Variants in DLGAP2 observed in about 807,000 individuals in gnomAD.
DLGAP2 encodes the protein disks large-associated protein 2.
In DLGAP2, 26 loss-of-function variants were observed where a neutral mutation model predicts 100.3. That is an observed-to-expected ratio of 0.26 (90% confidence interval 0.19 to 0.36). The LOEUF (loss-of-function observed/expected upper bound fraction) is 0.36, where lower values mean the gene tolerates loss of function less well. DLGAP2 is among the 10% of genes least tolerant of loss of function. DLGAP2 has a pLI of 1.00. For synonymous variants in DLGAP2, 886 were observed against 630.1 expected (o/e 1.41, Z -6.08); for missense variants, 1,858 against 1,453.2 (o/e 1.28, Z -4.53).
At chr8:1,406,997 A>G (rs9694617) in intron 3 of DLGAP2, among the ~76,000 whole-genome samples, 88 of 11,688 alleles carry the variant, frequency 7.5e-3, no homozygotes, top group Admixed American at 0.012. Context: ...CTTACTGAGC[A>G]CTCCCTCCTT....
At chr8:833,803 G>C (rs894934762) in intron 1 of DLGAP2, among the ~76,000 whole-genome samples, 6 of 152,092 alleles carry the variant, frequency 3.9e-5, no homozygotes, top group African/African-American at 7.2e-5. Context: ...CATGAATTTA[G>C]ACAAAATTTC....
intron 3 of DLGAP2, among the ~76,000 whole-genome samples, chr8:1,416,412 A>T (rs1796885416): frequency 6.6e-6 from 1 of 152,168 alleles, no homozygotes. Context: ...ACAGTTTCTG[A>T]GGCAAATTAA....
intron 3 of DLGAP2, among the ~76,000 whole-genome samples, chr8:1,327,910 G>C (rs1801059293): frequency 6.6e-6 from 1 of 152,178 alleles, no homozygotes; most frequent in Non-Finnish European, 1.5e-5. Context: ...CATTAATTCT[G>C]ATGGATCTTC....
intron 4 of DLGAP2, among the ~76,000 whole-genome samples, chr8:1,516,348 T>G (rs568025699): frequency 1.3e-5 from 2 of 150,042 alleles, no homozygotes; most frequent in Admixed American, 1.3e-4. Flanking sequence ...AATGAGTGAG[T>G]GAATAAGGGA....
chr8:1,506,612 G>A (rs567656634), intron 4 of DLGAP2, among the ~76,000 whole-genome samples: 2 of 152,334 alleles, frequency 1.3e-5, no homozygotes, highest in Admixed American at 6.5e-5. Flanking sequence ...TCAGCAGGTT[G>A]CCAGTGCCGG....
chr8:1,309,088 G>A (rs753972959), intron 3 of DLGAP2, among the ~76,000 whole-genome samples: 17 of 151,992 alleles, frequency 1.1e-4, no homozygotes, highest in Non-Finnish European at 1.9e-4. Context: ...ACAGGGAGCC[G>A]AAACTTGAGG....
intron 3 of DLGAP2, among the ~76,000 whole-genome samples, chr8:1,332,484 C>T (rs890818983): frequency 4.0e-5 from 6 of 151,692 alleles, no homozygotes; most frequent in Non-Finnish European, 7.4e-5. Context: ...TGTGTGTGAG[C>T]GTAGATACAT....
Position 1,193,382 on chromosome 8 carries a change from G to A in DLGAP2, c.74-65469G>A, listed in dbSNP as rs185392111. On this transcript the variant is annotated intron_variant, in intron 2 of 14. Coordinates refer to ENST00000637795, the MANE Select transcript of DLGAP2 (RefSeq NM_001346810.2). The stretch of plus-strand genomic sequence containing the variant: ...TCGCCATTCTAACTGGTCTGAGATG[G>A]TATCTCATTGTGGTTTTGATTTGCA... 8.5e-4 allele frequency among the ~76,000 whole-genome samples: 129 copies of A among 152,250 alleles called. 1 individual carries two copies. The highest frequency in any genetic ancestry group is 2.8e-3 in the African/African-American group (117 of 41,530).
chr8:1,668,793 G>C (rs1406108614), intron 9 of DLGAP2, 115 bp downstream of exon 9: 1 of 986,116 alleles, frequency 1.0e-6, no homozygotes, highest in African/African-American at 1.6e-5. Context: ...TGTAACCCCA[G>C]CAGGGCTGTG....
intron 2 of DLGAP2, among the ~76,000 whole-genome samples, chr8:1,194,107 C>T (rs17065771): frequency 0.28 from 42,486 of 151,668 alleles, 6,712 homozygotes; most frequent in African/African-American, 0.43. Flanking sequence ...CCAGTTTTGA[C>T]GCTGTGGAAA....
chr8:1,613,455 G>A (rs970313494), intron 6 of DLGAP2, among the ~76,000 whole-genome samples: 9 of 151,842 alleles, frequency 5.9e-5, no homozygotes, highest in Middle Eastern at 3.2e-3. Flanking sequence ...TGACGAGTTA[G>A]TGGGTGCAGC....
Position 998,069 on chromosome 8 carries a change from A to G in DLGAP2, c.73+90103A>G, listed in dbSNP as rs558204015. On this transcript the variant is annotated intron_variant, in intron 2 of 14. Coordinates refer to ENST00000637795, the MANE Select transcript of DLGAP2 (RefSeq NM_001346810.2). Reference sequence around the variant, plus strand: ...CAGTCATACACAGAAACATATACACATGCATGTGCACACACCCGTGTCTGC... The same window carrying G: ...CAGTCATACACAGAAACATATACACGTGCATGTGCACACACCCGTGTCTGC... Among the ~76,000 whole-genome samples, 489 of 152,252 alleles carry G rather than the reference A, an allele frequency of 3.2e-3. 5 individuals are homozygous for G. Among genetic ancestry groups the G allele is most frequent in the African/African-American group, 0.011 (469 of 41,538 alleles).
At chr8:1,528,101 A>C (rs1800855806) in intron 4 of DLGAP2, among the ~76,000 whole-genome samples, 1 of 152,252 alleles carries the variant, frequency 6.6e-6, no homozygotes, top group African/African-American at 2.4e-5. Flanking sequence ...ACTGCACGGC[A>C]GTGACTGCTG....
intron 2 of DLGAP2, among the ~76,000 whole-genome samples, chr8:912,847 G>A (rs1290896308): frequency 6.6e-6 from 1 of 151,422 alleles, no homozygotes; most frequent in Non-Finnish European, 1.5e-5. Flanking sequence ...CTGTGGAGCT[G>A]ACCCCCGCAC....
Position 1,678,400 on chromosome 8 carries a change from G to T in DLGAP2, c.2475G>T (p.Gly825=). The change falls in exon 12 of 15, where the codon GGG becomes GGT. Residue 825 remains glycine (G), a synonymous_variant. Transcript: ENST00000637795. ...CGGTGAGAACTGTACGGACCCAGGG[G>T]CTCTTCAGCTATAGAGAAGACTATC... ...YSAVRTVRTQ[G]LFSYREDYRT... 1 of 1,613,890 alleles carries T rather than the reference G, an allele frequency of 6.2e-7. No homozygotes were observed. Among genetic ancestry groups the T allele is most frequent in the Non-Finnish European group, 8.5e-7 (1 of 1,179,828 alleles).
At position 1,224,370 on chromosome 8, in the gene DLGAP2, C is replaced by T. The variant is rs183127895; in HGVS notation, c.74-34481C>T. ...ACTGTCATATCCCAAGCACCAAGAACAGAGCCTGCTTGGCAGATAGAAAGC... is the reference window on the plus strand; with the variant it reads ...ACTGTCATATCCCAAGCACCAAGAATAGAGCCTGCTTGGCAGATAGAAAGC... On this transcript the variant is annotated intron_variant, in intron 2 of 14. Coordinates refer to ENST00000637795, the MANE Select transcript of DLGAP2 (RefSeq NM_001346810.2). Among the ~76,000 whole-genome samples the T allele has an allele frequency of 2.6e-5, 4 of 152,270 alleles. No individual in the cohort carries two copies. The East Asian group carries it at 7.7e-4, about 29-fold the overall frequency.
At chr8:1,038,472 C>G (rs1455479863) in intron 2 of DLGAP2, among the ~76,000 whole-genome samples, 1 of 152,124 alleles carries the variant, frequency 6.6e-6, no homozygotes, top group African/African-American at 2.4e-5. Flanking sequence ...TCCCCTGGAG[C>G]CTCTGTTCAG....
At chr8:1,212,344 C>G (rs1420611591) in intron 2 of DLGAP2, among the ~76,000 whole-genome samples, 1 of 152,230 alleles carries the variant, frequency 6.6e-6, no homozygotes, top group Non-Finnish European at 1.5e-5. Flanking sequence ...AGAGGTCCTC[C>G]TTCCTCTCAG....
intron 6 of DLGAP2, among the ~76,000 whole-genome samples, chr8:1,569,987 A>G (rs1477598774): frequency 2.0e-5 from 3 of 152,198 alleles, no homozygotes; most frequent in African/African-American, 7.2e-5. Flanking sequence ...GCCAGGGTAG[A>G]TACTGTGGGG....
Sources: gnomAD v4.1 joint callset for allele counts (sites outside exome capture counted in the v4.1 genomes callset) on GRCh38, gnomAD v4.1.1 for gene constraint, MANE v1.5 for transcripts, NCBI Gene and HGNC (gene_info 2026-07-23, HGNC 2026-07-21) for gene names.